Variants in SEMA3E observed in about 807,000 individuals in gnomAD.
SEMA3E encodes the protein semaphorin-3E.
Under a neutral mutation model 93.6 loss-of-function variants are expected in SEMA3E, and 49 were observed. That is an observed-to-expected ratio of 0.52 (90% CI 0.42 to 0.66). The LOEUF is 0.66. SEMA3E is among the 30% of genes least tolerant of loss of function. The pLI is 0.00. For synonymous variants in SEMA3E, 363 were observed against 330.7 expected (o/e 1.10, Z -1.06); for missense variants, 906 against 964.8 (o/e 0.94, Z 0.81).
At chr7:83,623,378 A>G (rs1360366346) in intron 1 of SEMA3E, among the ~76,000 whole-genome samples, 1 of 152,158 alleles carries the variant, frequency 6.6e-6, no homozygotes, top group Non-Finnish European at 1.5e-5. Context: ...ACTTCATAGC[A>G]GATGAATAAG....
intron 1 of SEMA3E, among the ~76,000 whole-genome samples, chr7:83,611,992 A>G (rs1793276237): frequency 6.6e-6 from 1 of 151,948 alleles, no homozygotes; most frequent in African/African-American, 2.4e-5. Context: ...TGCTCCCTCC[A>G]CTGTTAGAAT....
At chr7:83,604,639 T>A (rs1202922541) in intron 1 of SEMA3E, among the ~76,000 whole-genome samples, 1 of 151,814 alleles carries the variant, frequency 6.6e-6, no homozygotes, top group East Asian at 1.9e-4. Context: ...ATATTTACTT[T>A]AAGTTCAGGG....
At chr7:83,646,710 T>C (rs564097124) in intron 1 of SEMA3E, among the ~76,000 whole-genome samples, 30 of 152,150 alleles carry the variant, frequency 2.0e-4, no homozygotes, top group Middle Eastern at 3.4e-3. Flanking sequence ...ATAATAAAGA[T>C]GAACTCGATA....
At chr7:83,467,898 A>T (rs1789805375) in intron 3 of SEMA3E, among the ~76,000 whole-genome samples, 1 of 84,820 alleles carries the variant, frequency 1.2e-5, no homozygotes, top group African/African-American at 4.0e-5. Context: ...TACTGAATTT[A>T]AAAAAATAGT....
At chr7:83,604,855 A>C (rs1326916734) in intron 1 of SEMA3E, among the ~76,000 whole-genome samples, 2 of 151,442 alleles carry the variant, frequency 1.3e-5, no homozygotes, top group Non-Finnish European at 2.9e-5. Context: ...TCATTATTCA[A>C]CTCCCACTTA....
intron 4 of SEMA3E, among the ~76,000 whole-genome samples, chr7:83,431,160 T>C (rs1788875340): frequency 6.6e-6 from 1 of 151,340 alleles, no homozygotes; most frequent in Admixed American, 6.6e-5. Flanking sequence ...GGATATTTTT[T>C]TCTTCAATAT....
chr7:83,452,216 T>C (rs1789378081), intron 4 of SEMA3E, among the ~76,000 whole-genome samples: 1 of 152,122 alleles, frequency 6.6e-6, no homozygotes, highest in Non-Finnish European at 1.5e-5. Context: ...GAATAAGGAC[T>C]GCAAAATCAG....
At chr7:83,622,853 C>T (rs968554250) in intron 1 of SEMA3E, among the ~76,000 whole-genome samples, 4 of 150,914 alleles carry the variant, frequency 2.7e-5, no homozygotes, top group Admixed American at 6.6e-5. Flanking sequence ...TTGCGAAGGG[C>T]ATCAGGAAGA....
intron 12 of SEMA3E, 80 bp downstream of exon 12, chr7:83,396,558 T>C: frequency 3.6e-6 from 3 of 833,390 alleles, no homozygotes; most frequent in Non-Finnish European, 6.0e-6. Flanking sequence ...GAAAAAAAAA[T>C]GGACATAGTA....
chr7:83,380,989 C>T (rs1787765294), intron 16 of SEMA3E, among the ~76,000 whole-genome samples: 1 of 151,940 alleles, frequency 6.6e-6, no homozygotes, highest in African/African-American at 2.4e-5. Context: ...AAGGCATGAA[C>T]ACATTAAGAG....
intron 1 of SEMA3E, among the ~76,000 whole-genome samples, chr7:83,514,913 T>C (rs1214015498): frequency 6.6e-6 from 1 of 152,174 alleles, no homozygotes; most frequent in East Asian, 1.9e-4. Context: ...CATATTTACT[T>C]ATATATTTTA....
At chr7:83,482,861 G>T (rs1790177396) in intron 2 of SEMA3E, among the ~76,000 whole-genome samples, 1 of 152,088 alleles carries the variant, frequency 6.6e-6, no homozygotes, top group Admixed American at 6.6e-5. Flanking sequence ...TTAAAAAATT[G>T]GATATGTTTG....
intron 2 of SEMA3E, among the ~76,000 whole-genome samples, chr7:83,470,452 T>G (rs980197570): frequency 6.6e-6 from 1 of 152,170 alleles, no homozygotes; most frequent in African/African-American, 2.4e-5. Flanking sequence ...GAACTTTATT[T>G]TATTTTTTCC....
At chr7:83,382,983 C>T (rs1026213895) in intron 16 of SEMA3E, among the ~76,000 whole-genome samples, 1 of 151,878 alleles carries the variant, frequency 6.6e-6, no homozygotes, top group Non-Finnish European at 1.5e-5. Context: ...TTCTGGATAA[C>T]TCCAGAGGGC....
At chr7:83,425,932 T>A (rs561216557) in intron 4 of SEMA3E, among the ~76,000 whole-genome samples, 63 of 110,408 alleles carry the variant, frequency 5.7e-4, no homozygotes, top group Admixed American at 5.1e-3. Context: ...CATGAACAAA[T>A]TCTTTCATAC....
At chr7:83,572,217 G>GA (rs34718381) in intron 1 of SEMA3E, among the ~76,000 whole-genome samples, 67,594 of 151,606 alleles carry the variant, frequency 0.45, 16,637 homozygotes, top group African/African-American at 0.67. Flanking sequence ...GCAGAAGTAG[G>GA]AAAAAATTCT....
chr7:83,408,933 T>A (rs1276698729), intron 5 of SEMA3E, among the ~76,000 whole-genome samples: 1 of 152,190 alleles, frequency 6.6e-6, no homozygotes, highest in Non-Finnish European at 1.5e-5. Context: ...GTCAGCTAAT[T>A]CAAATCCTTC....
chr7:83,617,855 C>T (rs1490191188), intron 1 of SEMA3E, among the ~76,000 whole-genome samples: 3 of 151,708 alleles, frequency 2.0e-5, no homozygotes, highest in South Asian at 2.1e-4. Context: ...AATAAGGAGT[C>T]GAATGACTAT....
chr7:83,619,885 TGATAGATAGATAGATAGACA>T (rs1281552329), intron 1 of SEMA3E, among the ~76,000 whole-genome samples: 4 of 126,848 alleles, frequency 3.2e-5, no homozygotes, highest in Non-Finnish European at 6.9e-5. Flanking sequence ...GATAGATAGA[TGATAGATAGATAGATAGACA>T]GATAGATAGA....
Sources: gnomAD v4.1 joint callset for allele counts (sites outside exome capture counted in the v4.1 genomes callset) on GRCh38, gnomAD v4.1.1 for gene constraint, MANE v1.5 for transcripts, NCBI Gene and HGNC (gene_info 2026-07-23, HGNC 2026-07-21) for gene names.